Variants in MAEL observed in about 807,000 individuals in gnomAD.
MAEL encodes protein maelstrom homolog.
Under a neutral mutation model 62.0 loss-of-function variants are expected in MAEL, and 46 were observed. The observed-to-expected ratio is 0.74, with a 90% CI of 0.59 to 0.95. The LOEUF (loss-of-function observed/expected upper bound fraction) is 0.95, where lower values mean the gene tolerates loss of function less well. Among genes scored for constraint, MAEL ranks in the 40% least tolerant of loss-of-function variants. The pLI is 0.00. For missense variants in MAEL, 497 were observed against 526.8 expected (o/e 0.94, Z 0.55); for synonymous variants, 172 against 175.5 (o/e 0.98, Z 0.16).
chr1:166,989,569 G>C lies in MAEL; in HGVS notation c.132+85G>C, dbSNP rs1031168228. The C allele has an allele frequency of 3.9e-6, 6 of 1,530,416 alleles. No individual in the cohort carries two copies. In the African/African-American group the frequency reaches 8.2e-5, roughly 21 times the overall value. 94.8% of individuals were successfully genotyped at this position (1,530,416 alleles called of 1,614,324 possible). On this transcript the variant is annotated intron_variant, in intron 1 of 11. Coordinates refer to ENST00000367872, the MANE Select transcript of MAEL (RefSeq NM_032858.3). ...GCGGGAGGGCAGAAGGCCTCGAGGA[G>C]GTCAGGCGGCTTGGCCCTGCCAGAG... is the stretch of plus-strand genomic sequence containing the variant.
At chr1:167,001,267 G>A in intron 5 of MAEL, among the ~76,000 whole-genome samples, 1 of 152,156 alleles carries the variant, frequency 6.6e-6, no homozygotes, top group South Asian at 2.1e-4. Context: ...GGGCAGAAGG[G>A]TGGGAAGGAG....
intron 8 of MAEL, among the ~76,000 whole-genome samples, chr1:167,013,731 G>C (rs768115974): frequency 3.1e-4 from 47 of 152,222 alleles, no homozygotes; most frequent in Non-Finnish European, 4.3e-4. Context: ...AGGCTACAAA[G>C]CCGAGTGTTC....
At chr1:167,004,959 C>CTGT in intron 6 of MAEL, 117 bp from the exon 7 acceptor site, 1 of 856,144 alleles carries the variant, frequency 1.2e-6, no homozygotes. Flanking sequence ...AGTCTTTCTC[C>CTGT]TGTGCCCCCT....
chr1:167,017,734 A>T (rs1023550678), intron 9 of MAEL, 93 bp from the exon 10 acceptor site: 1 of 1,213,760 alleles, frequency 8.2e-7, no homozygotes, highest in African/African-American at 1.5e-5. Flanking sequence ...ACAGTACCTC[A>T]GATGCTTTCT....
intron 5 of MAEL, among the ~76,000 whole-genome samples, chr1:167,003,738 A>G (rs1272127680): frequency 6.6e-6 from 1 of 152,190 alleles, no homozygotes; most frequent in East Asian, 1.9e-4. Context: ...AAGTTGGTCT[A>G]AATTACTTGG....
chr1:166,992,590 T>C (rs899757660), intron 3 of MAEL, 96 bp from the exon 4 acceptor site: 1 of 863,066 alleles, frequency 1.2e-6, no homozygotes, highest in Non-Finnish European at 1.7e-6. Flanking sequence ...AGAAAATTGT[T>C]CTAAAACATT....
chr1:167,021,350 T>C (rs1571284506), intron 11 of MAEL, among the ~76,000 whole-genome samples, 190 bp downstream of exon 11: 1 of 152,310 alleles, frequency 6.6e-6, no homozygotes, highest in African/African-American at 2.4e-5. Context: ...GTCACTTGGA[T>C]ACATTGTAAC....
At chr1:167,009,143 C>G (rs879758959) in intron 8 of MAEL, among the ~76,000 whole-genome samples, 1 of 152,068 alleles carries the variant, frequency 6.6e-6, no homozygotes, top group Admixed American at 6.6e-5. Flanking sequence ...CCTATTATTA[C>G]TGTGTTTCTG....
chr1:166,999,512 A>T (rs1664571909), intron 5 of MAEL, among the ~76,000 whole-genome samples: 1 of 152,254 alleles, frequency 6.6e-6, no homozygotes, highest in African/African-American at 2.4e-5. Context: ...AGTTTGGTTC[A>T]TGAGGTTTAA....
At chr1:167,008,544 C>G (rs1018893595) in intron 8 of MAEL, among the ~76,000 whole-genome samples, 2 of 151,872 alleles carry the variant, frequency 1.3e-5, no homozygotes, top group African/African-American at 4.8e-5. Flanking sequence ...TTTTTCAAAA[C>G]AATAGGATTT....
chr1:167,006,452 C>T (rs1298646896), intron 8 of MAEL, among the ~76,000 whole-genome samples: 1 of 151,636 alleles, frequency 6.6e-6, no homozygotes, highest in African/African-American at 2.4e-5. Flanking sequence ...AGGAATACCA[C>T]AGAAGGGATT....
chr1:166,985,322 C>T (rs992525738), upstream of MAEL, among the ~76,000 whole-genome samples: 3 of 151,964 alleles, frequency 2.0e-5, no homozygotes, highest in Admixed American at 1.3e-4. Flanking sequence ...ACAGCACAAT[C>T]ACCAAAAAAA....
At chr1:166,988,488 A>G (rs1283147358), upstream of MAEL, among the ~76,000 whole-genome samples, 1 of 152,130 alleles carries the variant, frequency 6.6e-6, no homozygotes, top group Non-Finnish European at 1.5e-5. Flanking sequence ...ACACTTAGAA[A>G]GCTGACCCGA....
At chr1:166,995,007 G>A (rs1039324146) in intron 5 of MAEL, among the ~76,000 whole-genome samples, 1 of 132,514 alleles carries the variant, frequency 7.5e-6, no homozygotes, top group Non-Finnish European at 1.6e-5. Flanking sequence ...GCTTAGAAAC[G>A]TGGACAGCTA....
intron 8 of MAEL, among the ~76,000 whole-genome samples, chr1:167,011,799 A>G (rs928177210): frequency 6.6e-6 from 1 of 152,328 alleles, no homozygotes; most frequent in Non-Finnish European, 1.5e-5. Flanking sequence ...TCAAATAGAC[A>G]TTGTGCAATA....
intron 11 of MAEL, 120 bp from the exon 12 acceptor site, chr1:167,021,548 T>C: frequency 1.5e-6 from 1 of 677,546 alleles, no homozygotes; most frequent in Non-Finnish European, 2.3e-6. Context: ...AAAACATTTT[T>C]CTGTTGAATT....
At chr1:166,982,566 G>GA (rs1028271711) in intron 1 of MAEL, among the ~76,000 whole-genome samples, 7 of 152,028 alleles carry the variant, frequency 4.6e-5, no homozygotes, top group African/African-American at 1.2e-4. Context: ...CTACCATCAG[G>GA]AAAAAACTCA....
intron 1 of MAEL, among the ~76,000 whole-genome samples, chr1:166,981,221 A>G (rs402031): frequency 0.38 from 58,467 of 152,058 alleles, 11,416 homozygotes; most frequent in Middle Eastern, 0.52. Flanking sequence ...CTCCTTCCCC[A>G]ATTCTGAGTA....
intron 8 of MAEL, among the ~76,000 whole-genome samples, chr1:167,015,800 G>A (rs980474705): frequency 6.6e-5 from 10 of 152,052 alleles, no homozygotes; most frequent in Non-Finnish European, 1.3e-4. Flanking sequence ...AATTTACTGT[G>A]TATTATGCTT....
Sources: allele counts gnomAD v4.1 joint callset (sites outside exome capture counted in the v4.1 genomes callset), GRCh38; gene constraint gnomAD v4.1.1; transcripts MANE v1.5; gene names NCBI Gene and HGNC (gene_info 2026-07-23, HGNC 2026-07-21).